Variants in OR11A1 observed in about 807,000 individuals in gnomAD.
The protein encoded by OR11A1 is olfactory receptor 11A1.
For missense variants in OR11A1, 380 were observed against 378.2 expected (o/e 1.00, Z -0.04); for synonymous variants, 158 against 152.2 (o/e 1.04, Z -0.28).
intron 1 of OR11A1, 98 bp from the exon 2 acceptor site, chr6:29,432,085 C>T (rs1267340158): frequency 1.2e-6 from 1 of 817,418 alleles, no homozygotes. Context: ...TTCTAGCTCT[C>T]AGGCTATTCT....
intron 1 of OR11A1, among the ~76,000 whole-genome samples, chr6:29,456,354 C>T (rs1786255958): frequency 6.6e-6 from 1 of 150,978 alleles, no homozygotes; most frequent in Non-Finnish European, 1.5e-5. Context: ...ACTAAAAATA[C>T]AAAAAATTAG....
At chr6:29,439,043 G>A (rs931635990) in intron 1 of OR11A1, among the ~76,000 whole-genome samples, 1 of 152,112 alleles carries the variant, frequency 6.6e-6, no homozygotes, top group Non-Finnish European at 1.5e-5. Flanking sequence ...TTGAATTTGT[G>A]TATATATTCA....
At position 29,427,708 on chromosome 6, in the gene OR11A1, T is replaced by A; in HGVS notation, c.-67A>T. The A allele has an allele frequency of 6.5e-7, 1 of 1,534,056 alleles. No homozygotes were observed. The highest frequency in any genetic ancestry group is 8.8e-7 in the Non-Finnish European group (1 of 1,142,822). On this transcript the variant is annotated 5_prime_UTR_variant, in exon 5 of 5. Coordinates refer to ENST00000377149, the MANE Select transcript of OR11A1 (RefSeq NM_001394828.1). Reference sequence around the variant, plus strand: ...AATTTTAGCATGTCTCTGCATCTTCTATACCAAGCCTAACGTTATTAGAGC... The same window carrying A: ...AATTTTAGCATGTCTCTGCATCTTCAATACCAAGCCTAACGTTATTAGAGC...
chr6:29,443,265 A>T (rs546824684), intron 1 of OR11A1, among the ~76,000 whole-genome samples: 1 of 152,196 alleles, frequency 6.6e-6, no homozygotes, highest in East Asian at 1.9e-4. Context: ...CTCCATTGTA[A>T]TCTCTCTCTT....
intron 1 of OR11A1, among the ~76,000 whole-genome samples, chr6:29,445,353 G>GGCATCAGGGAGGGAGGGTA (rs1476081121): frequency 6.6e-6 from 1 of 152,170 alleles, no homozygotes; most frequent in Non-Finnish European, 1.5e-5. Flanking sequence ...AAGTGACTGT[G>GGCATCAGGGAGGGAGGGTA]GCATCAGGGA....
chr6:29,440,311 A>G (rs777985320), intron 1 of OR11A1: 3 of 1,614,022 alleles, frequency 1.9e-6, no homozygotes, highest in Non-Finnish European at 2.5e-6. Context: ...TGTGCTCTCC[A>G]GATGTTCTTC....
rs1356470976 is a variant in OR11A1 at position 29,427,677 on chromosome 6, G to A, written c.-36C>T. 2 of 1,574,296 alleles carry A rather than the reference G, an allele frequency of 1.3e-6. No homozygotes were observed. The highest frequency in any genetic ancestry group is 3.6e-5 in the Admixed American group (2 of 56,246). On this transcript the variant is annotated 5_prime_UTR_variant, in exon 5 of 5. Coordinates refer to ENST00000377149, the MANE Select transcript of OR11A1 (RefSeq NM_001394828.1). ...CAAGTTTCTGCTTGGCAATAATTGG[G>A]GGAGAAATTTTAGCATGTCTCTGCA... is the stretch of plus-strand genomic sequence containing the variant.
chr6:29,426,949 A>G lies in OR11A1; in HGVS notation c.693T>C (p.Ala231=). 1.2e-6 allele frequency: 2 copies of G among 1,613,092 alleles called. No homozygotes were observed. The highest frequency in any genetic ancestry group is 1.7e-6 in the Non-Finnish European group (2 of 1,180,026). ...AGAAAGCCCTTCTCCTGCTTGCCCC[A>G]GCAGGAACTCTCAGCACTGCCACCA... is the stretch of plus-strand genomic sequence containing the variant. ...RIVVAVLRVP[A]GASRRRAFST... Residue 231 remains alanine (A), a synonymous_variant, in exon 5 of 5, where the codon GCT becomes GCC. Transcript: ENST00000377149.
rs2151405703 is a variant in OR11A1 at position 29,453,239 on chromosome 6, T to C, written c.-389+3748A>G. On this transcript the variant is annotated intron_variant, in intron 1 of 4. Coordinates refer to ENST00000377149, the MANE Select transcript of OR11A1 (RefSeq NM_001394828.1). The surrounding 1 kb of genome is among the most constrained non-coding windows in gnomAD (Gnocchi z 4.5). ...CATTAAAAATAAAATTCACCAGATA[T>C]GGTGAATTAAAGAGGACAGCAAATC... 6.6e-6 allele frequency among the ~76,000 whole-genome samples: 1 copy of C among 151,072 alleles called. No homozygotes were observed. Among genetic ancestry groups the C allele is most frequent in the African/African-American group, 2.4e-5 (1 of 41,418 alleles).
At chr6:29,446,385 T>C (rs1784778536) in intron 1 of OR11A1, among the ~76,000 whole-genome samples, 1 of 152,122 alleles carries the variant, frequency 6.6e-6, no homozygotes, top group South Asian at 2.1e-4. Flanking sequence ...TATTAATCTG[T>C]CTCATCTACC....
At chr6:29,435,404 C>CAT (rs1158428942) in intron 1 of OR11A1, among the ~76,000 whole-genome samples, 1 of 152,158 alleles carries the variant, frequency 6.6e-6, no homozygotes, top group Non-Finnish European at 1.5e-5. Flanking sequence ...GCTTTGGTCA[C>CAT]ATATATATCC....
rs148674915 is a variant in OR11A1 at position 29,443,972 on chromosome 6, T to TA, written c.-388-11986dup. 4.1e-3 allele frequency among the ~76,000 whole-genome samples: 527 copies of TA among 129,754 alleles called. 2 individuals are homozygous for TA. Among genetic ancestry groups the TA allele is most frequent in the African/African-American group, 4.5e-3 (143 of 31,842 alleles). 85.1% of individuals were successfully genotyped at this position (129,754 alleles called of 152,430 possible). Reference sequence around the variant, plus strand: ...AGACTTAGAGCCACCAATCAGTAATTAAAAAAAAAAAAATAGACAGGGGAA... The same window carrying TA: ...AGACTTAGAGCCACCAATCAGTAATTAAAAAAAAAAAAAATAGACAGGGGAA... On this transcript the variant is annotated intron_variant, in intron 1 of 4. Coordinates refer to ENST00000377149, the MANE Select transcript of OR11A1 (RefSeq NM_001394828.1).
At position 29,430,355 on chromosome 6, in the gene OR11A1, C is replaced by T; in HGVS notation, c.-194G>A. 1 of 985,336 alleles carries T rather than the reference C, an allele frequency of 1.0e-6. No individual in the cohort carries two copies. Among genetic ancestry groups the T allele is most frequent in the Non-Finnish European group, 1.2e-6 (1 of 829,882 alleles). The allele number at this position is 985,336 out of a possible 1,614,324, so 61.0% of individuals were successfully genotyped here. A position where few individuals can be genotyped will look rare whatever the true frequency, so the allele number is the denominator to read the frequency against. Reference sequence around the variant, plus strand: ...GTGAATCTGGCACTCCCTATGTGGGCCATCTTTAACTCTAGATTATTTTAT... The same window carrying T: ...GTGAATCTGGCACTCCCTATGTGGGTCATCTTTAACTCTAGATTATTTTAT... On this transcript the variant is annotated 5_prime_UTR_variant, in exon 3 of 5. Coordinates refer to ENST00000377149, the MANE Select transcript of OR11A1 (RefSeq NM_001394828.1).
intron 1 of OR11A1, among the ~76,000 whole-genome samples, chr6:29,449,211 T>C (rs2151396119): frequency 6.6e-6 from 1 of 152,316 alleles, no homozygotes; most frequent in Non-Finnish European, 1.5e-5. Context: ...GATAATGATA[T>C]GTCAGTGTAA....
At chr6:29,439,950 C>T (rs1192021305) in intron 1 of OR11A1, 4 of 1,277,290 alleles carry the variant, frequency 3.1e-6, no homozygotes, top group South Asian at 2.7e-5. Flanking sequence ...GCCCATTTCA[C>T]GATTCCATAG....
chr6:29,440,381 T>C (rs376604256), intron 1 of OR11A1: 2 of 1,613,994 alleles, frequency 1.2e-6, no homozygotes, highest in African/African-American at 1.3e-5. Flanking sequence ...ATGACCGCTA[T>C]GCAGCCATCT....
At chr6:29,438,448 T>C (rs1431129750) in intron 1 of OR11A1, among the ~76,000 whole-genome samples, 1 of 145,784 alleles carries the variant, frequency 6.9e-6, no homozygotes, top group East Asian at 1.9e-4. Context: ...ATCAAATAAA[T>C]TGATTACTGG....
intron 1 of OR11A1, chr6:29,440,187 A>G (rs756498654): frequency 3.7e-6 from 6 of 1,613,574 alleles, no homozygotes; most frequent in Middle Eastern, 1.6e-4. Context: ...CCAGTCCCCT[A>G]TGTACTTCTT....
At chr6:29,448,899 C>T (rs559172355) in intron 1 of OR11A1, among the ~76,000 whole-genome samples, 1 of 152,286 alleles carries the variant, frequency 6.6e-6, no homozygotes, top group South Asian at 2.1e-4. Flanking sequence ...TTCTTGCCTT[C>T]AATGTATTTT....
Sources: gnomAD v4.1 joint callset for allele counts (sites outside exome capture counted in the v4.1 genomes callset) on GRCh38, gnomAD v4.1.1 for gene constraint, Gnocchi (gnomAD v3.1) non-coding constraint, MANE v1.5 for transcripts, NCBI Gene and HGNC (gene_info 2026-07-23, HGNC 2026-07-21) for gene names.